The following ALDH1L2 variants were observed in gnomAD, a reference collection of about 807,000 sequenced individuals.
ALDH1L2 encodes mitochondrial 10-formyltetrahydrofolate dehydrogenase.
ALDH1L2 carries 91 observed loss-of-function variants against 111.0 expected under a neutral mutation model. The ratio of observed to expected loss-of-function variants is 0.82; its 90% CI spans 0.69 to 0.98. The LOEUF is 0.98. ALDH1L2 is among the 50% of genes least tolerant of loss of function. ALDH1L2 has a pLI of 0.00. For synonymous variants in ALDH1L2, 374 were observed against 392.6 expected, an observed-to-expected ratio of 0.95 and a Z score of 0.56; for missense variants, 995 against 1,126.8, an observed-to-expected ratio of 0.88 and a Z score of 1.67.
At chr12:105,038,299 C>G in intron 17 of ALDH1L2, 97 bp from the exon 18 acceptor site, 1 of 630,010 alleles carries the variant, frequency 1.6e-6, no homozygotes, top group Non-Finnish European at 2.7e-6. Flanking sequence ...CACACACACA[C>G]ACACACACAC....
intron 12 of ALDH1L2, among the ~76,000 whole-genome samples, chr12:105,051,367 GCTGAT>G (rs1876251313): frequency 6.6e-6 from 1 of 152,116 alleles, no homozygotes; most frequent in Non-Finnish European, 1.5e-5. Context: ...TGGCTCCCTC[GCTGAT>G]AGGCTGTGGT....
At chr12:105,076,286 C>G (rs1350635038) in intron 1 of ALDH1L2, among the ~76,000 whole-genome samples, 1 of 152,110 alleles carries the variant, frequency 6.6e-6, no homozygotes, top group Non-Finnish European at 1.5e-5. Flanking sequence ...TGTCTGCCCA[C>G]AAGAACAAGA....
chr12:105,037,826 G>A (rs546810710), intron 18 of ALDH1L2, among the ~76,000 whole-genome samples: 118 of 150,876 alleles, frequency 7.8e-4, no homozygotes, highest in African/African-American at 2.7e-3. Flanking sequence ...GTGCAGTGGC[G>A]TGATCTCAGC....
At chr12:105,029,388 C>T (rs1874586289) in intron 21 of ALDH1L2, among the ~76,000 whole-genome samples, 1 of 152,062 alleles carries the variant, frequency 6.6e-6, no homozygotes, top group South Asian at 2.1e-4. Context: ...GTCCTCTGAC[C>T]CACTGCACCA....
At chr12:105,041,397 G>A (rs1036789135) in intron 15 of ALDH1L2, among the ~76,000 whole-genome samples, 6 of 152,200 alleles carry the variant, frequency 3.9e-5, no homozygotes, top group African/African-American at 1.2e-4. Context: ...CCACCGGAGC[G>A]ATGCTGAGCT....
chr12:105,072,228 A>T (rs1444193789), intron 2 of ALDH1L2: 1 of 148,096 alleles, frequency 6.8e-6, no homozygotes, highest in Non-Finnish European at 1.5e-5. Flanking sequence ...ATTATATATT[A>T]CTTGTATAAT....
At chr12:105,040,779 C>G (rs1362081076) in intron 15 of ALDH1L2, 85 bp from the exon 16 acceptor site, 4 of 1,035,808 alleles carry the variant, frequency 3.9e-6, no homozygotes, top group Non-Finnish European at 6.0e-6. Context: ...GATAGCTGCA[C>G]TAGATCTCAT....
At chr12:105,068,655 AAAAG>A in intron 4 of ALDH1L2, 60 bp downstream of exon 4, 1 of 1,308,918 alleles carries the variant, frequency 7.6e-7, no homozygotes, top group African/African-American at 1.5e-5. Flanking sequence ...ATTTCTTCAT[AAAAG>A]AAAAAATATT....
At chr12:105,082,030 C>T (rs992998365) in intron 1 of ALDH1L2, among the ~76,000 whole-genome samples, 34 of 152,288 alleles carry the variant, frequency 2.2e-4, no homozygotes, top group South Asian at 6.2e-4. Context: ...CTCGTCTCTA[C>T]TAAAAATACA....
chr12:105,084,453 A>G lies in ALDH1L2; in HGVS notation c.-17T>C. ...CCGCAGCATGCTGGAGAGGAGCGCT[A>G]GCACTGGCGACGCGGCAGCGCGGGA... On this transcript the variant is annotated 5_prime_UTR_variant, in exon 1 of 23. Transcript: ENST00000258494. The G allele has an allele frequency of 4.2e-6, 6 of 1,422,766 alleles. No homozygotes were observed. The highest frequency in any genetic ancestry group is 5.5e-6 in the Non-Finnish European group (6 of 1,093,872). The allele number at this position is 1,422,766 out of a possible 1,614,324, so 88.1% of individuals were successfully genotyped here.
In ALDH1L2 at chr12:105,070,589, C is replaced by T. The variant is rs938133937; in HGVS notation, c.409G>A (p.Gly137Arg). The T allele has an allele frequency of 2.1e-5, 34 of 1,612,948 alleles. No individual in the cohort carries two copies. The highest frequency in any genetic ancestry group is 2.6e-5 in the Non-Finnish European group (31 of 1,179,412). The change falls in exon 3 of 23, where the codon GGA (glycine) becomes AGA (arginine). Residue 137 changes from glycine (G) to arginine (R), a missense_variant. By Grantham distance (125) the Gly-to-Arg change is moderately radical (BLOSUM62 -2). Coordinates refer to ENST00000258494, the MANE Select transcript of ALDH1L2 (RefSeq NM_001034173.4). ...TCTCACCAATTGATAGCAGAGGCTCCTCTGTGCCTGGGCAGGATGGATGGG... is the reference window on the plus strand; with the variant it reads ...TCTCACCAATTGATAGCAGAGGCTCTTCTGTGCCTGGGCAGGATGGATGGG... ...YHPSILPRHRGASAINWTLIM... is the reference protein window; with the variant it reads ...YHPSILPRHRRASAINWTLIM...
At chr12:105,073,156 A>G (rs962328987) in intron 2 of ALDH1L2, among the ~76,000 whole-genome samples, 1 of 152,178 alleles carries the variant, frequency 6.6e-6, no homozygotes, top group Admixed American at 6.5e-5. Flanking sequence ...CTTTGTGTAC[A>G]TTAATCTAAT....
At chr12:105,077,138 C>T (rs1167224072) in intron 1 of ALDH1L2, among the ~76,000 whole-genome samples, 3 of 152,202 alleles carry the variant, frequency 2.0e-5, no homozygotes, top group Admixed American at 6.5e-5. Flanking sequence ...GTGGAAGTGA[C>T]GTGGGAGACA....
intron 15 of ALDH1L2, among the ~76,000 whole-genome samples, chr12:105,041,238 TAGG>T (rs1194704732): frequency 1.3e-5 from 2 of 152,220 alleles, no homozygotes; most frequent in Non-Finnish European, 2.9e-5. Context: ...TCCAGTAATC[TAGG>T]AGAATTTCTC....
intron 15 of ALDH1L2, among the ~76,000 whole-genome samples, chr12:105,042,672 T>C (rs7314207): frequency 0.38 from 57,213 of 152,100 alleles, 10,974 homozygotes; most frequent in South Asian, 0.53. Flanking sequence ...CAGAGAATGT[T>C]GTTCTCCCAC....
intron 2 of ALDH1L2, 66 bp from the exon 3 acceptor site, chr12:105,070,870 T>C (rs918084080): frequency 2.4e-6 from 3 of 1,261,118 alleles, no homozygotes; most frequent in African/African-American, 3.0e-5. Context: ...TATGAATTCA[T>C]ATGTTGTAAT....
Position 105,045,853 on chromosome 12 carries a change from C to T in ALDH1L2, c.1863+857G>A, listed in dbSNP as rs559482697. On this transcript the variant is annotated intron_variant, in intron 15 of 22. Transcript: ENST00000258494. ...TCTAGAATAAAGACCAAGTTTACTC[C>T]ACGACTTATGCACCTCAGAATGCCT... is the stretch of plus-strand genomic sequence containing the variant. Among the ~76,000 whole-genome samples, 92 of 151,996 alleles carry T rather than the reference C, an allele frequency of 6.1e-4. 1 individual carries two copies. The highest frequency in any genetic ancestry group is 2.1e-3 in the African/African-American group (88 of 41,456).
intron 18 of ALDH1L2, among the ~76,000 whole-genome samples, chr12:105,035,876 CACAT>C (rs555543210): frequency 4.2e-5 from 5 of 118,954 alleles, no homozygotes; most frequent in East Asian, 5.8e-4. Context: ...TATACACACA[CACAT>C]ATATATACGT....
chr12:105,065,910 T>A (rs1877326573), intron 5 of ALDH1L2, among the ~76,000 whole-genome samples: 2 of 152,212 alleles, frequency 1.3e-5, no homozygotes, highest in African/African-American at 4.8e-5. Context: ...GCCAAATCTA[T>A]ACCTACTGCA....
Sources: gnomAD v4.1 joint callset for allele counts (sites outside exome capture counted in the v4.1 genomes callset) on GRCh38, gnomAD v4.1.1 for gene constraint, MANE v1.5 for transcripts, NCBI Gene and HGNC (gene_info 2026-07-23, HGNC 2026-07-21) for gene names.